RNF150: variants seen among roughly 807,000 people sequenced by gnomAD.
RNF150 encodes the protein ring finger protein 150.
In RNF150, 24 loss-of-function variants were observed where a neutral mutation model predicts 39.3. The observed-to-expected ratio is 0.61, with a 90% CI of 0.44 to 0.86. RNF150 has a LOEUF of 0.86. Ranked by LOEUF, RNF150 falls within the 40% of genes least tolerant of loss-of-function variation. The pLI, the probability that RNF150 is intolerant of heterozygous loss-of-function variation, is 0.00. For missense variants in RNF150, 502 were observed against 587.8 expected (o/e 0.85, Z 1.51); for synonymous variants, 255 against 227.3 (o/e 1.12, Z -1.10).
At chr4:141,184,685 G>T (rs548594996) in intron 1 of RNF150, among the ~76,000 whole-genome samples, 3 of 152,104 alleles carry the variant, frequency 2.0e-5, no homozygotes, top group Non-Finnish European at 4.4e-5. Context: ...TTTGTATAAG[G>T]TGTAAGGAAG....
intron 1 of RNF150, among the ~76,000 whole-genome samples, chr4:141,108,202 T>C (rs1191933461): frequency 2.0e-5 from 3 of 152,210 alleles, no homozygotes. Context: ...ATTACAACTA[T>C]TGGGGTAGAC....
At chr4:141,032,620 G>T (rs1404865616) in intron 1 of RNF150, among the ~76,000 whole-genome samples, 1 of 151,064 alleles carries the variant, frequency 6.6e-6, no homozygotes, top group Non-Finnish European at 1.5e-5. Context: ...GAAAAAAAAA[G>T]AATCTTCTGG....
At chr4:141,133,636 A>G (rs1043151440), upstream of RNF150, among the ~76,000 whole-genome samples, 5 of 152,078 alleles carry the variant, frequency 3.3e-5, no homozygotes, top group African/African-American at 9.7e-5. Flanking sequence ...GACTTAATCT[A>G]GGTGGAGGTA....
At chr4:140,881,900 G>A (rs948213964) in intron 6 of RNF150, among the ~76,000 whole-genome samples, 1 of 151,980 alleles carries the variant, frequency 6.6e-6, no homozygotes, top group Admixed American at 6.6e-5. Flanking sequence ...AGAGGATGTT[G>A]TTTAATTTCT....
chr4:140,910,132 T>C (rs1426165067), intron 6 of RNF150, among the ~76,000 whole-genome samples: 1 of 152,212 alleles, frequency 6.6e-6, no homozygotes, highest in Non-Finnish European at 1.5e-5. Context: ...GAAAAATACA[T>C]ATCTTTACAT....
chr4:140,931,773 A>G (rs1282915351), intron 4 of RNF150, among the ~76,000 whole-genome samples: 2 of 152,352 alleles, frequency 1.3e-5, no homozygotes, highest in East Asian at 3.9e-4. Flanking sequence ...ATAGTTCTTC[A>G]AACACCCGAA....
At chr4:141,101,441 G>A (rs1261255832) in intron 1 of RNF150, among the ~76,000 whole-genome samples, 1 of 152,022 alleles carries the variant, frequency 6.6e-6, no homozygotes, top group Non-Finnish European at 1.5e-5. Context: ...GGTCTTCAGG[G>A]GCAATAACAT....
intron 6 of RNF150, among the ~76,000 whole-genome samples, chr4:140,898,453 T>G (rs989925876): frequency 2.0e-5 from 3 of 152,218 alleles, no homozygotes; most frequent in African/African-American, 7.2e-5. Flanking sequence ...ATGCGTGCAG[T>G]CATGCATTTA....
chr4:141,149,330 C>A (rs1460005184), intron 1 of RNF150, among the ~76,000 whole-genome samples: 1 of 151,820 alleles, frequency 6.6e-6, no homozygotes, highest in Non-Finnish European at 1.5e-5. Context: ...TTTGGTGCAC[C>A]CAGCACCCCA....
chr4:140,974,087 A>G (rs931431180), intron 1 of RNF150, among the ~76,000 whole-genome samples: 1 of 152,098 alleles, frequency 6.6e-6, no homozygotes, highest in East Asian at 1.9e-4. Context: ...TCTGTGTTTA[A>G]TTCTATGAAA....
In RNF150 at chr4:140,925,960, G is replaced by GGCTGT; in HGVS notation, c.987+12_987+16dup. On this transcript the variant is annotated intron_variant, in intron 5 of 6. Transcript: ENST00000515673. ...GAAAGACAGACATTATAATGCTGTA[G>GGCTGT]GCTGTGCTGTGCTTACCGGGATCCC... is the stretch of plus-strand genomic sequence containing the variant. 4 of 1,545,178 alleles carry GGCTGT rather than the reference G, an allele frequency of 2.6e-6. No individual in the cohort carries two copies. The highest frequency in any genetic ancestry group is 3.6e-6 in the Non-Finnish European group (4 of 1,117,100).
Position 140,931,213 on chromosome 4 carries a change from T to C in RNF150, c.891-5140A>G, listed in dbSNP as rs569062384. ...TGTATTACATCTTATTTTAAAGATA[T>C]TATGTGATTATTATGATTTCTACTC... On this transcript the variant is annotated intron_variant, in intron 4 of 6. Coordinates refer to ENST00000515673, the MANE Select transcript of RNF150 (RefSeq NM_020724.2). Among the ~76,000 whole-genome samples, 22 of 152,288 alleles carry C rather than the reference T, an allele frequency of 1.4e-4. No homozygotes were observed. The South Asian group carries it at 4.6e-3, about 32-fold the overall frequency.
rs1294092870 is a variant in RNF150, at chr4:140,865,959, G to A, written c.*2302C>T. The A allele has an allele frequency of 6.6e-6, 1 of 152,246 alleles. No individual in the cohort carries two copies. The highest frequency in any genetic ancestry group is 1.5e-5 in the Non-Finnish European group (1 of 68,048). The allele number at this position is 152,246 out of a possible 1,614,324, so 9.4% of individuals were successfully genotyped here. The stretch of plus-strand genomic sequence containing the variant: ...TTTGTTTTGGGCAAAGCCGACTGAA[G>A]GAGGAGTCAGTGGCGCAAGCCTATG... On this transcript the variant is annotated 3_prime_UTR_variant, in exon 7 of 7. Transcript: ENST00000515673.
In RNF150 at chr4:140,864,512, C is replaced by T. The variant is rs1246020504; in HGVS notation, c.*3749G>A. 6.6e-6 allele frequency: 1 copy of T among 152,108 alleles called. No individual in the cohort carries two copies. Among genetic ancestry groups the T allele is most frequent in the African/African-American group, 2.4e-5 (1 of 41,406 alleles). 9.4% of individuals were successfully genotyped at this position (152,108 alleles called of 1,614,324 possible). ...GCTGTTGGAGGTGGTCATAATTCAC[C>T]AAGTAGAGACCGGATGATCACAGGC... On this transcript the variant is annotated 3_prime_UTR_variant, in exon 7 of 7. Coordinates refer to ENST00000515673, the MANE Select transcript of RNF150 (RefSeq NM_020724.2).
intron 4 of RNF150, among the ~76,000 whole-genome samples, chr4:140,929,857 C>T (rs1731556464): frequency 1.3e-5 from 2 of 151,964 alleles, no homozygotes; most frequent in African/African-American, 4.8e-5. Flanking sequence ...ATCTTAAGAG[C>T]AAAACTGAGG....
chr4:141,149,401 CCA>C (rs1291281561), intron 1 of RNF150, among the ~76,000 whole-genome samples: 1 of 152,126 alleles, frequency 6.6e-6, no homozygotes, highest in African/African-American at 2.4e-5. Context: ...CACTCTTTCC[CCA>C]GAGTCCCCAA....
chr4:141,120,840 T>C (rs1726583309), intron 1 of RNF150, among the ~76,000 whole-genome samples: 1 of 152,074 alleles, frequency 6.6e-6, no homozygotes, highest in South Asian at 2.1e-4. Flanking sequence ...CCCTGGAAGA[T>C]TTGAGCAGAG....
At chr4:141,021,266 T>C (rs995394053) in intron 1 of RNF150, among the ~76,000 whole-genome samples, 1 of 151,926 alleles carries the variant, frequency 6.6e-6, no homozygotes, top group Non-Finnish European at 1.5e-5. Context: ...AATAGGACAA[T>C]GCAAAGACGA....
chr4:141,056,533 T>C (rs904589776), intron 1 of RNF150, among the ~76,000 whole-genome samples: 3 of 152,038 alleles, frequency 2.0e-5, no homozygotes, highest in Non-Finnish European at 4.4e-5. Context: ...GGATCACCCA[T>C]GGTCTTTTTA....
Sources: allele counts gnomAD v4.1 joint callset (sites outside exome capture counted in the v4.1 genomes callset), GRCh38; gene constraint gnomAD v4.1.1; transcripts MANE v1.5; gene names NCBI Gene and HGNC (gene_info 2026-07-23, HGNC 2026-07-21).